MGAT2: variants seen among roughly 807,000 people sequenced by gnomAD.
MGAT2 encodes the protein alpha-1,6-mannosyl-glycoprotein 2-beta-N-acetylglucosaminyltransferase.
In MGAT2, 17 loss-of-function variants were observed where a neutral mutation model predicts 33.8. The ratio of observed to expected loss-of-function variants is 0.50; its 90% CI spans 0.34 to 0.76. MGAT2 has a LOEUF of 0.76. Among genes scored for constraint, MGAT2 ranks in the 30% least tolerant of loss-of-function variants. MGAT2 has a pLI of 0.01. For missense variants in MGAT2, 529 were observed against 553.9 expected, an observed-to-expected ratio of 0.96 and a Z score of 0.45; for synonymous variants, 248 against 226.7, an observed-to-expected ratio of 1.09 and a Z score of -0.84.
At position 49,622,747 on chromosome 14, in the gene MGAT2, C is replaced by A. The variant is rs1268620023; in HGVS notation, c.*135C>A. 1.2e-6 allele frequency: 1 copy of A among 819,876 alleles called. No homozygotes were observed. Among genetic ancestry groups the A allele is most frequent in the Non-Finnish European group, 1.8e-6 (1 of 554,448 alleles). 50.8% of individuals were successfully genotyped at this position (819,876 alleles called of 1,614,324 possible). A position where few individuals can be genotyped will look rare whatever the true frequency, so the allele number is the denominator to read the frequency against. ...AAATCTTGTAAAAGGTGTCCAAATA[C>A]ATAGTAATCTTTTCCAGTTATGTCT... On this transcript the variant is annotated 3_prime_UTR_variant, in exon 1 of 1. Transcript: ENST00000305386.
rs541544351 is a variant in MGAT2, at chr14:49,620,835, G to A, written c.-434G>A. On this transcript the variant is annotated 5_prime_UTR_variant, in exon 1 of 1. Coordinates refer to ENST00000305386, the MANE Select transcript of MGAT2 (RefSeq NM_002408.4). ...TTGTCATAACGGTCCCCGCCGGAGT[G>A]AGGCGAGGCCGCGTCGCTCAGTTCT... is the stretch of plus-strand genomic sequence containing the variant. The A allele has an allele frequency of 1.6e-4, 102 of 627,302 alleles. No homozygotes were observed. The highest frequency in any genetic ancestry group is 2.6e-4 in the Non-Finnish European group (92 of 350,728). The allele number at this position is 627,302 out of a possible 1,614,324, so 38.9% of individuals were successfully genotyped here. A position where few individuals can be genotyped will look rare whatever the true frequency, so the allele number is the denominator to read the frequency against.
At position 49,621,148 on chromosome 14, in the gene MGAT2, C is replaced by T. The variant is rs112513155; in HGVS notation, c.-121C>T. The T allele has an allele frequency of 2.1e-6, 3 of 1,458,106 alleles. No homozygotes were observed. The highest frequency in any genetic ancestry group is 1.4e-5 in the African/African-American group (1 of 71,172). 90.3% of individuals were successfully genotyped at this position (1,458,106 alleles called of 1,614,324 possible). Reference sequence around the variant, plus strand: ...CCCGGGATGAGTTAGCGAGGGCAGCCGCGGGGGCCAGTTCCGACCGTGACA... The same window carrying T: ...CCCGGGATGAGTTAGCGAGGGCAGCTGCGGGGGCCAGTTCCGACCGTGACA... On this transcript the variant is annotated 5_prime_UTR_variant, in exon 1 of 1. Coordinates refer to ENST00000305386, the MANE Select transcript of MGAT2 (RefSeq NM_002408.4). The surrounding 1 kb of genome is among the most constrained non-coding windows in gnomAD (Gnocchi z 4.6).
rs774335811 is a variant in MGAT2, at chr14:49,622,451, A to G, written c.1183A>G (p.Ile395Val). ...TCRPSTQSAQ[I>V]ESLLNNNKQY... ...TAGACCATCCACTCAGAGTGCCCAA[A>G]TTGAGTCACTCTTAAATAATAACAA... is the stretch of plus-strand genomic sequence containing the variant. Residue 395 changes from isoleucine to valine, a missense_variant, in exon 1 of 1, where the codon ATT (isoleucine) becomes GTT (valine). Ile to Val is a conservative substitution (Grantham distance 29). Transcript: ENST00000305386. 2.4e-4 allele frequency: 384 copies of G among 1,613,716 alleles called. No homozygotes were observed. Among genetic ancestry groups the G allele is most frequent in the Non-Finnish European group, 3.0e-4 (351 of 1,179,924 alleles).
In MGAT2 at chr14:49,621,642, A is replaced by C; in HGVS notation, c.374A>C (p.His125Pro). The C allele has an allele frequency of 6.2e-7, 1 of 1,614,180 alleles. No homozygotes were observed. The highest frequency in any genetic ancestry group is 2.2e-5 in the East Asian group (1 of 44,878). The change falls in exon 1 of 1, where the codon CAT becomes CCT. Residue 125 changes from histidine to proline, a missense_variant. His to Pro is a moderately conservative substitution (Grantham distance 77). Transcript: ENST00000305386. The surrounding 1 kb of genome is among the most constrained non-coding windows in gnomAD (Gnocchi z 4.6). Reference protein sequence around the residue: ...PRELVLVVQVHNRPEYLRLLL... With the variant: ...PRELVLVVQVPNRPEYLRLLL... Reference sequence around the variant, plus strand: ...GAGCTGGTGCTGGTGGTCCAGGTGCATAACCGGCCCGAATACCTCAGACTG... The same window carrying C: ...GAGCTGGTGCTGGTGGTCCAGGTGCCTAACCGGCCCGAATACCTCAGACTG...
Position 49,622,304 on chromosome 14 carries a change from T to C in MGAT2, c.1036T>C (p.Trp346Arg). ...DTFCTYDDYN[W>R]DWTLQYLTVS... ...TTTCTGTACTTATGATGATTATAAC[T>C]GGGACTGGACTCTTCAATACTTGAC... Residue 346 changes from tryptophan to arginine, a missense_variant, in exon 1 of 1, where the codon TGG becomes CGG. Around this residue, in one of 2 missense-constraint regions of MGAT2, gnomAD observed 501 missense variants for 501.1 expected, o/e 1.00. Transcript: ENST00000305386. 1 of 1,614,170 alleles carries C rather than the reference T, an allele frequency of 6.2e-7. No individual in the cohort carries two copies. The highest frequency in any genetic ancestry group is 8.5e-7 in the Non-Finnish European group (1 of 1,180,026).
Position 49,622,141 on chromosome 14 carries a change from G to A in MGAT2, c.873G>A (p.Leu291=). 1 of 1,614,144 alleles carries A rather than the reference G, an allele frequency of 6.2e-7. No homozygotes were observed. Among genetic ancestry groups the A allele is most frequent in the Non-Finnish European group, 8.5e-7 (1 of 1,180,036 alleles). ...GCCCTGAATGTGATGTTCTCTCCCT[G>A]GGGACCTATAGTGCCAGTCGCAGTT... ...QECPECDVLS[L]GTYSASRSFY... The change falls in exon 1 of 1, where the codon CTG becomes CTA. Residue 291 remains leucine (L), a synonymous_variant. Transcript: ENST00000305386.
rs149562481 is a variant in MGAT2, at chr14:49,621,507, C to G, written c.239C>G (p.Pro80Arg). 1 of 1,611,864 alleles carries G rather than the reference C, an allele frequency of 6.2e-7. No individual in the cohort carries two copies. Among genetic ancestry groups the G allele is most frequent in the African/African-American group, 1.3e-5 (1 of 74,906 alleles). Reference protein sequence around the residue: ...VSAASLVPAVPQPEADNLTLR... With the variant: ...VSAASLVPAVRQPEADNLTLR... Reference sequence around the variant, plus strand: ...GCGGCTTCCCTGGTCCCGGCGGTCCCCCAGCCCGAGGCGGACAACCTGACG... The same window carrying G: ...GCGGCTTCCCTGGTCCCGGCGGTCCGCCAGCCCGAGGCGGACAACCTGACG... The change falls in exon 1 of 1, where the codon CCC becomes CGC. Residue 80 changes from proline (P) to arginine (R), a missense_variant. Physicochemically the swap from Pro to Arg is moderately radical, Grantham distance 103 (BLOSUM62 -2). Coordinates refer to ENST00000305386, the MANE Select transcript of MGAT2 (RefSeq NM_002408.4). This position sits in a 1 kb window ranked among gnomAD's most constrained non-coding sequence, Gnocchi z 4.6.
In MGAT2 at chr14:49,622,040, C is replaced by G. The variant is rs1157862443; in HGVS notation, c.772C>G (p.Leu258Val). The change falls in exon 1 of 1, where the codon CTA (leucine) becomes GTA (valine). Residue 258 changes from leucine (L) to valine (V), a missense_variant. Around this residue, in one of 2 missense-constraint regions of MGAT2, gnomAD observed 501 missense variants for 501.1 expected, o/e 1.00. Transcript: ENST00000305386. ...AGATTATGCTGGCCTTATACTTTTC[C>G]TAGAAGAGGATCACTACTTAGCCCC... ...LRDYAGLILF[L>V]EEDHYLAPDF... is the part of the protein sequence containing the mutation. The G allele has an allele frequency of 6.2e-7, 1 of 1,613,810 alleles. No individual in the cohort carries two copies. The highest frequency in any genetic ancestry group is 8.5e-7 in the Non-Finnish European group (1 of 1,179,916).
chr14:49,621,721 T>C lies in MGAT2; in HGVS notation c.453T>C (p.Phe151=). Residue 151 remains phenylalanine (F), a synonymous_variant, in exon 1 of 1, where the codon TTT becomes TTC. Transcript: ENST00000305386. The surrounding 1 kb of genome is among the most constrained non-coding windows in gnomAD (Gnocchi z 4.6). The part of the protein sequence containing the change: ...AQGIDNVLVI[F]SHDFWSTEIN... ...GAATTGACAACGTCCTCGTCATCTT[T>C]AGCCATGACTTCTGGTCGACCGAGA... 6.2e-7 allele frequency: 1 copy of C among 1,614,250 alleles called. No homozygotes were observed. Among genetic ancestry groups the C allele is most frequent in the Non-Finnish European group, 8.5e-7 (1 of 1,180,038 alleles).
Position 49,622,314 on chromosome 14 carries a change from C to G in MGAT2, c.1046C>G (p.Thr349Ser). ...TATGATGATTATAACTGGGACTGGACTCTTCAATACTTGACTGTATCTTGT... is the reference window on the plus strand; with the variant it reads ...TATGATGATTATAACTGGGACTGGAGTCTTCAATACTTGACTGTATCTTGT... The part of the protein sequence containing the change: ...CTYDDYNWDW[T>S]LQYLTVSCLP... The change falls in exon 1 of 1, where the codon ACT becomes AGT. Residue 349 changes from threonine (T) to serine (S), a missense_variant. Coordinates refer to ENST00000305386, the MANE Select transcript of MGAT2 (RefSeq NM_002408.4). 1.2e-6 allele frequency: 2 copies of G among 1,614,132 alleles called. No homozygotes were observed. Among genetic ancestry groups the G allele is most frequent in the Non-Finnish European group, 1.7e-6 (2 of 1,180,038 alleles).
At position 49,622,881 on chromosome 14, in the gene MGAT2, AT is replaced by A; in HGVS notation, c.*272del. 3.6e-6 allele frequency: 1 copy of A among 280,134 alleles called. No homozygotes were observed. Among genetic ancestry groups the A allele is most frequent in the Non-Finnish European group, 7.0e-6 (1 of 142,100 alleles). 17.4% of individuals were successfully genotyped at this position (280,134 alleles called of 1,614,324 possible). ...GATATGAGAGAAGAGGGGAAATTTT[AT>A]TTAAATTGCATTTATTAATCTTTTT... is the stretch of plus-strand genomic sequence containing the variant. On this transcript the variant is annotated 3_prime_UTR_variant, in exon 1 of 1. Transcript: ENST00000305386.
rs760767044 is a variant in MGAT2 at position 49,621,376 on chromosome 14, C to T, written c.108C>T (p.Ala36=). The T allele has an allele frequency of 6.2e-7, 1 of 1,611,286 alleles. No homozygotes were observed. Among genetic ancestry groups the T allele is most frequent in the South Asian group, 1.1e-5 (1 of 91,034 alleles). Reference sequence around the variant, plus strand: ...ATGGGCGACAAAGGAAGAACGAGGCCCTCGCCCCACCGTTGCTGGACGCCG... The same window carrying T: ...ATGGGCGACAAAGGAAGAACGAGGCTCTCGCCCCACCGTTGCTGGACGCCG... ...SSNGRQRKNE[A]LAPPLLDAEP... Residue 36 remains alanine (A), a synonymous_variant, in exon 1 of 1, where the codon GCC becomes GCT. Coordinates refer to ENST00000305386, the MANE Select transcript of MGAT2 (RefSeq NM_002408.4). This position sits in a 1 kb window ranked among gnomAD's most constrained non-coding sequence, Gnocchi z 4.6.
chr14:49,622,041 T>C lies in MGAT2; in HGVS notation c.773T>C (p.Leu258Pro). Residue 258 changes from leucine (L) to proline (P), a missense_variant, in exon 1 of 1, where the codon CTA (leucine) becomes CCA (proline). Leu to Pro is a moderately conservative substitution (Grantham distance 98, BLOSUM62 -3). Transcript: ENST00000305386. Reference sequence around the variant, plus strand: ...GATTATGCTGGCCTTATACTTTTCCTAGAAGAGGATCACTACTTAGCCCCA... The same window carrying C: ...GATTATGCTGGCCTTATACTTTTCCCAGAAGAGGATCACTACTTAGCCCCA... The part of the protein sequence containing the change: ...LRDYAGLILF[L>P]EEDHYLAPDF... 1 of 1,614,196 alleles carries C rather than the reference T, an allele frequency of 6.2e-7. No homozygotes were observed. The highest frequency in any genetic ancestry group is 8.5e-7 in the Non-Finnish European group (1 of 1,180,024).
At position 49,621,492 on chromosome 14, in the gene MGAT2, T is replaced by C. The variant is rs1882848237; in HGVS notation, c.224T>C (p.Leu75Pro). Residue 75 changes from leucine (L) to proline (P), a missense_variant, in exon 1 of 1, where the codon CTG becomes CCG. Around this residue, in one of 2 missense-constraint regions of MGAT2, gnomAD observed 501 missense variants for 501.1 expected, o/e 1.00. Coordinates refer to ENST00000305386, the MANE Select transcript of MGAT2 (RefSeq NM_002408.4). The surrounding 1 kb of genome is among the most constrained non-coding windows in gnomAD (Gnocchi z 4.6). ...RRVSNVSAAS[L>P]VPAVPQPEAD... is the part of the protein sequence containing the mutation. ...GTCTCCAACGTGTCGGCGGCTTCCCTGGTCCCGGCGGTCCCCCAGCCCGAG... is the reference window on the plus strand; with the variant it reads ...GTCTCCAACGTGTCGGCGGCTTCCCCGGTCCCGGCGGTCCCCCAGCCCGAG... 6.2e-7 allele frequency: 1 copy of C among 1,609,722 alleles called. No individual in the cohort carries two copies. Among genetic ancestry groups the C allele is most frequent in the South Asian group, 1.1e-5 (1 of 91,032 alleles).
In MGAT2 at chr14:49,621,519, C is replaced by T. The variant is rs376840642; in HGVS notation, c.251C>T (p.Ala84Val). 9 of 1,612,250 alleles carry T rather than the reference C, an allele frequency of 5.6e-6. No individual in the cohort carries two copies. In the African/African-American group the frequency reaches 1.1e-4, roughly 19 times the overall value. ...SLVPAVPQPE[A>V]DNLTLRYRSL... ...GTCCCGGCGGTCCCCCAGCCCGAGG[C>T]GGACAACCTGACGCTGCGGTACCGG... Residue 84 changes from alanine (A) to valine (V), a missense_variant, in exon 1 of 1, where the codon GCG becomes GTG. This residue lies in a region of MGAT2 where 501 missense variants were observed against 501.1 expected (regional missense o/e 1.00). Coordinates refer to ENST00000305386, the MANE Select transcript of MGAT2 (RefSeq NM_002408.4). This position sits in a 1 kb window ranked among gnomAD's most constrained non-coding sequence, Gnocchi z 4.6.
chr14:49,621,177 C>T lies in MGAT2; in HGVS notation c.-92C>T. The T allele has an allele frequency of 1.3e-6, 2 of 1,579,172 alleles. No homozygotes were observed. The highest frequency in any genetic ancestry group is 1.1e-5 in the South Asian group (1 of 88,256). ...GGGGCCAGTTCCGACCGTGACAGGC[C>T]AAGGCGACGGCCGCCGCCCGCCCGC... is the stretch of plus-strand genomic sequence containing the variant. On this transcript the variant is annotated 5_prime_UTR_variant, in exon 1 of 1. Coordinates refer to ENST00000305386, the MANE Select transcript of MGAT2 (RefSeq NM_002408.4). The surrounding 1 kb of genome is among the most constrained non-coding windows in gnomAD (Gnocchi z 4.6).
chr14:49,621,665 C>G lies in MGAT2; in HGVS notation c.397C>G (p.Leu133Val), dbSNP rs144027281. Reference sequence around the variant, plus strand: ...GCATAACCGGCCCGAATACCTCAGACTGCTGCTGGACTCACTTCGAAAAGC... The same window carrying G: ...GCATAACCGGCCCGAATACCTCAGAGTGCTGCTGGACTCACTTCGAAAAGC... Reference protein sequence around the residue: ...QVHNRPEYLRLLLDSLRKAQG... With the variant: ...QVHNRPEYLRVLLDSLRKAQG... Residue 133 changes from leucine to valine, a missense_variant, in exon 1 of 1, where the codon CTG becomes GTG. Leu to Val is a conservative substitution (Grantham distance 32, BLOSUM62 1). Coordinates refer to ENST00000305386, the MANE Select transcript of MGAT2 (RefSeq NM_002408.4). This position sits in a 1 kb window ranked among gnomAD's most constrained non-coding sequence, Gnocchi z 4.6. 27 of 1,614,082 alleles carry G rather than the reference C, an allele frequency of 1.7e-5. No individual in the cohort carries two copies. The African/African-American group carries it at 3.2e-4, about 19-fold the overall frequency.
At position 49,621,401 on chromosome 14, in the gene MGAT2, G is replaced by A; in HGVS notation, c.133G>A (p.Glu45Lys). Residue 45 changes from glutamate (E) to lysine (K), a missense_variant, in exon 1 of 1, where the codon GAA (glutamate) becomes AAA (lysine). By Grantham distance (56) the Glu-to-Lys change is moderately conservative. Transcript: ENST00000305386. This position sits in a 1 kb window ranked among gnomAD's most constrained non-coding sequence, Gnocchi z 4.6. ...EALAPPLLDAEPARGAGGRGG... is the reference protein window; with the variant it reads ...EALAPPLLDAKPARGAGGRGG... ...CCTCGCCCCACCGTTGCTGGACGCC[G>A]AACCCGCGCGGGGTGCCGGCGGCCG... is the stretch of plus-strand genomic sequence containing the variant. The A allele has an allele frequency of 6.2e-7, 1 of 1,608,830 alleles. No homozygotes were observed. Among genetic ancestry groups the A allele is most frequent in the Non-Finnish European group, 8.5e-7 (1 of 1,177,206 alleles).
chr14:49,622,690 TA>T lies in MGAT2; in HGVS notation c.*79del. ...GGACATACAATTGAATAAAAGAGTT[TA>T]GGAACTGGTTTCTGCTTTAATACAA... On this transcript the variant is annotated 3_prime_UTR_variant, in exon 1 of 1. Coordinates refer to ENST00000305386, the MANE Select transcript of MGAT2 (RefSeq NM_002408.4). 6.9e-7 allele frequency: 1 copy of T among 1,454,076 alleles called. No homozygotes were observed. The highest frequency in any genetic ancestry group is 9.2e-7 in the Non-Finnish European group (1 of 1,086,300). The allele number at this position is 1,454,076 out of a possible 1,614,324, so 90.1% of individuals were successfully genotyped here. A position where few individuals can be genotyped will look rare whatever the true frequency, so the allele number is the denominator to read the frequency against.
Sources: gnomAD v4.1 joint callset for allele counts on GRCh38, gnomAD v4.1.1 for gene constraint, gnomAD v4.1.1 regional missense constraint, Gnocchi (gnomAD v3.1) non-coding constraint, MANE v1.5 for transcripts, NCBI Gene and HGNC (gene_info 2026-07-23, HGNC 2026-07-21) for gene names.